The following COA8 variants were observed in gnomAD, a reference collection of about 807,000 sequenced individuals.
COA8 encodes the protein UPF0671 protein C14orf153.
A neutral mutation model predicts 22.0 loss-of-function variants in COA8; 20 were observed. The observed-to-expected ratio is 0.91, with a 90% CI of 0.64 to 1.32. COA8 has a LOEUF of 1.32. Among genes scored for constraint, COA8 ranks in the 40% most tolerant of loss-of-function variants. COA8 has a pLI of 0.00. For synonymous variants in COA8, 105 were observed against 79.9 expected (o/e 1.31, Z -1.68); for missense variants, 266 against 230.0 (o/e 1.16, Z -1.01).
intron 1 of COA8, among the ~76,000 whole-genome samples, chr14:103,564,046 G>T (rs2076115037): frequency 6.6e-6 from 1 of 151,998 alleles, no homozygotes. Flanking sequence ...CCAGCTACTC[G>T]GGAGGATGAG....
At chr14:103,580,223 C>G (rs2076257394) in intron 3 of COA8, among the ~76,000 whole-genome samples, 1 of 150,536 alleles carries the variant, frequency 6.6e-6, no homozygotes, top group African/African-American at 2.4e-5. Flanking sequence ...ACTACAGGCA[C>G]ATGCCACCAT....
chr14:103,585,479 CAAA>C (rs60226654), intron 3 of COA8, among the ~76,000 whole-genome samples: 33 of 131,352 alleles, frequency 2.5e-4, no homozygotes, highest in Non-Finnish European at 2.6e-4. Flanking sequence ...AACTCCGTCT[CAAA>C]AAAAAAAAAA....
chr14:103,584,876 A>G (rs1402019989), intron 3 of COA8, among the ~76,000 whole-genome samples: 2 of 152,080 alleles, frequency 1.3e-5, no homozygotes, highest in East Asian at 3.8e-4. Flanking sequence ...GCAGTGGCTC[A>G]CTCCTGTAAT....
chr14:103,563,160 G>A, intron 1 of COA8, 36 bp downstream of exon 1: 1 of 1,539,154 alleles, frequency 6.5e-7, no homozygotes, highest in Non-Finnish European at 8.7e-7. Context: ...GCCGGGAGGG[G>A]TGACCGGAAG....
At position 103,590,385 on chromosome 14, in the gene COA8, G is replaced by A; in HGVS notation, c.*99G>A. Reference sequence around the variant, plus strand: ...GAAAAACTGGAGCTGATCTCAAGAAGCCCCACATCTTCCTAAGGGGCCCCA... The same window carrying A: ...GAAAAACTGGAGCTGATCTCAAGAAACCCCACATCTTCCTAAGGGGCCCCA... On this transcript the variant is annotated 3_prime_UTR_variant, in exon 5 of 5. Transcript: ENST00000409074. 1.7e-6 allele frequency: 2 copies of A among 1,193,538 alleles called. No homozygotes were observed. The highest frequency in any genetic ancestry group is 4.6e-5 in the Admixed American group (2 of 43,422). 73.9% of individuals were successfully genotyped at this position (1,193,538 alleles called of 1,614,324 possible).
At chr14:103,585,811 T>C (rs1286352735) in intron 3 of COA8, among the ~76,000 whole-genome samples, 1 of 151,984 alleles carries the variant, frequency 6.6e-6, no homozygotes, top group Non-Finnish European at 1.5e-5. Flanking sequence ...CCTCACCTTG[T>C]GATCCACTTG....
intron 1 of COA8, 37 bp downstream of exon 1, chr14:103,563,161 T>G (rs1595132092): frequency 6.5e-7 from 1 of 1,538,020 alleles, no homozygotes; most frequent in Non-Finnish European, 8.7e-7. Flanking sequence ...CCGGGAGGGG[T>G]GACCGGAAGG....
At chr14:103,585,030 C>T (rs950175354) in intron 3 of COA8, among the ~76,000 whole-genome samples, 1 of 152,054 alleles carries the variant, frequency 6.6e-6, no homozygotes, top group Admixed American at 6.6e-5. Flanking sequence ...CCCAGCTACT[C>T]AGGAGGCTGA....
chr14:103,563,089 C>CGCGGCGCCGAGCGCAGGGAT lies in COA8; in HGVS notation c.89_108dup (p.Thr37AlafsTer27), dbSNP rs2076099474. ...CCGCGGCTGTCAACTCGCTCCGGAG[C>CGCGGCGCCGAGCGCAGGGAT]GCGGCGCCGAGCGCAGGGATACGGC... On this transcript the variant is annotated frameshift_variant, in exon 1 of 5. Coordinates refer to ENST00000409074, the MANE Select transcript of COA8 (RefSeq NM_001370595.2). LOFTEE classifies it high-confidence loss of function. The CGCGGCGCCGAGCGCAGGGAT allele has an allele frequency of 1.3e-6, 2 of 1,539,826 alleles. No individual in the cohort carries two copies. Among genetic ancestry groups the CGCGGCGCCGAGCGCAGGGAT allele is most frequent in the African/African-American group, 2.7e-5 (2 of 73,296 alleles).
intron 3 of COA8, among the ~76,000 whole-genome samples, chr14:103,586,450 C>T (rs2076307858): frequency 6.6e-6 from 1 of 151,802 alleles, no homozygotes; most frequent in Non-Finnish European, 1.5e-5. Context: ...CCAAGTGATC[C>T]TCCTGCCTCA....
At chr14:103,573,548 TTTG>T (rs1566980350) in intron 2 of COA8, among the ~76,000 whole-genome samples, 2 of 151,882 alleles carry the variant, frequency 1.3e-5, no homozygotes, top group Non-Finnish European at 1.5e-5. Flanking sequence ...GAGGGTTTTT[TTTG>T]TTGTTGTTGT....
chr14:103,569,520 T>C (rs183385480), intron 1 of COA8, among the ~76,000 whole-genome samples: 73 of 152,312 alleles, frequency 4.8e-4, no homozygotes, highest in African/African-American at 1.6e-3. Context: ...ATTAGGTGGC[T>C]CCTTTAACAT....
intron 1 of COA8, among the ~76,000 whole-genome samples, chr14:103,568,488 CATAT>C (rs994413331): frequency 2.0e-5 from 3 of 151,694 alleles, no homozygotes; most frequent in East Asian, 1.9e-4. Flanking sequence ...TATATACACA[CATAT>C]ATATACACAC....
intron 1 of COA8, among the ~76,000 whole-genome samples, chr14:103,567,232 G>A (rs900049671): frequency 2.6e-5 from 4 of 151,980 alleles, no homozygotes; most frequent in Non-Finnish European, 5.9e-5. Context: ...AATTAGCCGG[G>A]CGTGGTGGCG....
intron 3 of COA8, among the ~76,000 whole-genome samples, chr14:103,586,171 G>C (rs1175203078): frequency 2.1e-5 from 3 of 145,844 alleles, no homozygotes; most frequent in Non-Finnish European, 4.5e-5. Context: ...AAAGTGCTGA[G>C]ATTATAGGCG....
At chr14:103,564,109 C>A (rs571310470) in intron 1 of COA8, among the ~76,000 whole-genome samples, 29 of 151,836 alleles carry the variant, frequency 1.9e-4, no homozygotes, top group African/African-American at 7.0e-4. Context: ...GTCGAGATCG[C>A]GCCACTGCAC....
intron 3 of COA8, among the ~76,000 whole-genome samples, chr14:103,579,802 AAGACACAAAACTT>A (rs2076254032): frequency 6.6e-6 from 1 of 151,394 alleles, no homozygotes; most frequent in Admixed American, 6.6e-5. Flanking sequence ...GTCTATACTA[AAGACACAAAACTT>A]AGCTGGACGT....
intron 3 of COA8, among the ~76,000 whole-genome samples, chr14:103,580,948 C>T (rs1030307640): frequency 6.6e-6 from 1 of 152,118 alleles, no homozygotes; most frequent in Non-Finnish European, 1.5e-5. Flanking sequence ...AGGCATGTGC[C>T]ACCACGCCCG....
intron 3 of COA8, among the ~76,000 whole-genome samples, chr14:103,585,903 T>G (rs2151187137): frequency 6.6e-6 from 1 of 150,920 alleles, no homozygotes; most frequent in South Asian, 2.1e-4. Flanking sequence ...TTTGTTTTTT[T>G]TTGTTTTGTT....
Sources: allele counts gnomAD v4.1 joint callset (sites outside exome capture counted in the v4.1 genomes callset), GRCh38; gene constraint gnomAD v4.1.1; transcripts MANE v1.5; gene names NCBI Gene and HGNC (gene_info 2026-07-23, HGNC 2026-07-21).